CCDC57: variants seen among roughly 807,000 people sequenced by gnomAD.
CCDC57 encodes coiled-coil domain containing 57.
Under a neutral mutation model 118.9 loss-of-function variants are expected in CCDC57, and 118 were observed. The ratio of observed to expected loss-of-function variants is 0.99; its 90% CI spans 0.86 to 1.16. CCDC57 has a LOEUF of 1.16. CCDC57 is among the 50% of genes most tolerant of loss of function. The pLI, the probability that CCDC57 is intolerant of heterozygous loss-of-function variation, is 0.00. For missense variants in CCDC57, 1,300 were observed against 1,320.7 expected (o/e 0.98, Z 0.24); for synonymous variants, 527 against 532.9 (o/e 0.99, Z 0.15).
intron 11 of CCDC57, among the ~76,000 whole-genome samples, chr17:82,173,262 C>T (rs1236371894): frequency 2.0e-5 from 3 of 152,038 alleles, no homozygotes; most frequent in African/African-American, 7.2e-5. Flanking sequence ...GAACTGTGTG[C>T]ACCAAAAAAT....
intron 8 of CCDC57, 75 bp from the exon 8 acceptor site, chr17:82,184,007 A>G: frequency 9.0e-7 from 1 of 1,111,600 alleles, no homozygotes; most frequent in South Asian, 1.3e-5. Context: ...ACCCCCCAGC[A>G]AATACACATG....
chr17:82,132,818 G>A (rs1285205718), intron 17 of CCDC57, among the ~76,000 whole-genome samples: 1 of 146,300 alleles, frequency 6.8e-6, no homozygotes, highest in Non-Finnish European at 1.5e-5. Flanking sequence ...GGAGTGTAGT[G>A]GTGCCATCTC....
chr17:82,171,712 G>A, exon 13 of CCDC57: 1 of 1,612,146 alleles, frequency 6.2e-7, no homozygotes, highest in Non-Finnish European at 8.5e-7. Flanking sequence ...AGTCGTCTCT[G>A]TCGAGGTGCG....
chr17:82,122,256 C>T (rs1312017702), intron 19 of CCDC57, among the ~76,000 whole-genome samples: 4 of 152,236 alleles, frequency 2.6e-5, no homozygotes, highest in African/African-American at 7.2e-5. Context: ...AACCGTTTCC[C>T]ACCACCAGGC....
rs1161835554 is a variant in CCDC57, at chr17:82,163,357, C to CAAG, written c.1883-1_1883insCTT (p.Gly628delinsAlaTer). On this transcript the variant is annotated stop_gained and protein_altering_variant and splice_region_variant. Coordinates refer to ENST00000665763, the Ensembl canonical transcript of CCDC57. LOFTEE classifies it high-confidence loss of function. ...GGCTTGACCAGCTTGGGCAGACCCT[C>CAAG]CTGCAGAGAAGAGTGGCTTCTGTCA... 1 of 1,613,860 alleles carries CAAG rather than the reference C, an allele frequency of 6.2e-7. No individual in the cohort carries two copies. Among genetic ancestry groups the CAAG allele is most frequent in the Non-Finnish European group, 8.5e-7 (1 of 1,179,798 alleles).
chr17:82,166,033 C>A (rs1345496221), intron 13 of CCDC57, among the ~76,000 whole-genome samples: 2 of 152,028 alleles, frequency 1.3e-5, no homozygotes, highest in East Asian at 3.8e-4. Flanking sequence ...GCTTGTAATT[C>A]CAGTACTTTG....
intron 19 of CCDC57, chr17:82,104,938 C>T (rs1234002608): frequency 6.6e-6 from 1 of 152,294 alleles, no homozygotes; most frequent in East Asian, 1.9e-4. Flanking sequence ...GGCATGAGAA[C>T]TCTGAGCACA....
rs1275908698 is a variant in CCDC57, at chr17:82,172,572, C to T, written c.1729+66G>A. 8 of 1,375,196 alleles carry T rather than the reference C, an allele frequency of 5.8e-6. No individual in the cohort carries two copies. The highest frequency in any genetic ancestry group is 8.1e-6 in the Non-Finnish European group (8 of 989,856). The allele number at this position is 1,375,196 out of a possible 1,614,324, so 85.2% of individuals were successfully genotyped here. A position where few individuals can be genotyped will look rare whatever the true frequency, so the allele number is the denominator to read the frequency against. On this transcript the variant is annotated intron_variant, in intron 12 of 19. Transcript: ENST00000665763. The surrounding 1 kb of genome is among the most constrained non-coding windows in gnomAD (Gnocchi z 5.2). ...TGAAGCCAGTCAAGACCCATGCTCC[C>T]GTCTGTCCTCCTCCCTCCCTCTCCC...
intron 17 of CCDC57, among the ~76,000 whole-genome samples, chr17:82,129,529 C>T (rs1598751714): frequency 6.6e-6 from 1 of 152,270 alleles, no homozygotes; most frequent in South Asian, 2.1e-4. Flanking sequence ...TGTTTACCAA[C>T]GTTTGCCTGT....
At chr17:82,127,199 G>A in intron 19 of CCDC57, 2 of 985,466 alleles carry the variant, frequency 2.0e-6, no homozygotes, top group Non-Finnish European at 2.4e-6. Context: ...GGACGAGGAT[G>A]AGGATGCGGC....
Position 82,192,084 on chromosome 17 carries a change from CAA to C in CCDC57, c.851+1670_851+1671del, listed in dbSNP as rs1252204426. On this transcript the variant is annotated intron_variant, in intron 7 of 19. Transcript: ENST00000665763. This position sits in a 1 kb window ranked among gnomAD's most constrained non-coding sequence, Gnocchi z 4.0. ...CAGTGAAACCTCCACCTCCCAAGTT[CAA>C]GTGATTCCCCTGCCTCAGCCTGCCA... Among the ~76,000 whole-genome samples the C allele has an allele frequency of 2.0e-5, 3 of 151,344 alleles. No individual in the cohort carries two copies. The highest frequency in any genetic ancestry group is 2.9e-5 in the Non-Finnish European group (2 of 67,956).
intron 16 of CCDC57, among the ~76,000 whole-genome samples, chr17:82,146,888 T>TGC (rs2040821738): frequency 6.6e-6 from 1 of 151,502 alleles, no homozygotes; most frequent in Non-Finnish European, 1.5e-5. Flanking sequence ...CAAACAAACG[T>TGC]GTGTGCACAC....
chr17:82,207,547 C>T (rs1025466584), intron 2 of CCDC57: 1 of 152,110 alleles, frequency 6.6e-6, no homozygotes, highest in Non-Finnish European at 1.5e-5. Flanking sequence ...ATCTTGTGGC[C>T]CCCACCCAGG....
In CCDC57 at chr17:82,172,865, C is replaced by A; in HGVS notation, c.1507-5G>T. 1.2e-6 allele frequency: 2 copies of A among 1,606,618 alleles called. No individual in the cohort carries two copies. The highest frequency in any genetic ancestry group is 1.7e-5 in the Admixed American group (1 of 58,910). ...TTCATGCTGCCTGAGAAGCATCTGT[C>A]AAATACAAGGAAAAATGGCTACAAA... On this transcript the variant is annotated splice_polypyrimidine_tract_variant and splice_region_variant and intron_variant, in intron 11 of 19. Coordinates refer to ENST00000665763, the Ensembl canonical transcript of CCDC57. This position sits in a 1 kb window ranked among gnomAD's most constrained non-coding sequence, Gnocchi z 5.2.
At chr17:82,165,320 C>T (rs1227474999) in intron 13 of CCDC57, among the ~76,000 whole-genome samples, 2 of 152,152 alleles carry the variant, frequency 1.3e-5, no homozygotes, top group East Asian at 3.8e-4. Flanking sequence ...CAGCTAAAGG[C>T]CCAGCCAGAA....
chr17:82,149,287 T>C (rs1008591829), intron 16 of CCDC57, among the ~76,000 whole-genome samples: 7 of 150,338 alleles, frequency 4.7e-5, no homozygotes, highest in Non-Finnish European at 7.4e-5. Context: ...GATGGATAGA[T>C]GGATGGGTGG....
At chr17:82,133,860 A>AAAAC (rs57364948) in intron 17 of CCDC57, among the ~76,000 whole-genome samples, 70,447 of 151,292 alleles carry the variant, frequency 0.47, 17,178 homozygotes, top group East Asian at 0.88. Context: ...ACTGTCTCAA[A>AAAAC]AAACAAACAA....
At chr17:82,133,954 A>G in intron 17 of CCDC57, 119 bp downstream of exon 16, 1 of 1,011,944 alleles carries the variant, frequency 9.9e-7, no homozygotes, top group Middle Eastern at 3.5e-4. Context: ...CTATATCTGG[A>G]TCCTGAAAAT....
chr17:82,181,986 C>T (rs1051214986), intron 9 of CCDC57, among the ~76,000 whole-genome samples: 2 of 152,060 alleles, frequency 1.3e-5, no homozygotes, highest in Non-Finnish European at 2.9e-5. Context: ...GGCGTGGTGG[C>T]GCATGCCTGT....
Sources: allele counts gnomAD v4.1 joint callset (sites outside exome capture counted in the v4.1 genomes callset), GRCh38; gene constraint gnomAD v4.1.1; non-coding constraint Gnocchi (gnomAD v3.1); transcripts MANE v1.5; gene names NCBI Gene and HGNC (gene_info 2026-07-23, HGNC 2026-07-21).